Variants in CLUL1 observed in about 807,000 individuals in gnomAD.
CLUL1 encodes the protein clusterin-like protein 1.
Under a neutral mutation model 49.4 loss-of-function variants are expected in CLUL1, and 43 were observed. The observed-to-expected ratio is 0.87, with a 90% CI of 0.68 to 1.12. The LOEUF (loss-of-function observed/expected upper bound fraction) is 1.12. Among genes scored for constraint, CLUL1 ranks in the 50% most tolerant of loss-of-function variants. The pLI is 0.00. For missense variants in CLUL1, 486 were observed against 544.4 expected (o/e 0.89, Z 1.07); for synonymous variants, 192 against 184.9 (o/e 1.04, Z -0.31).
chr18:643,265 CGTGT>C (rs1255096855), intron 8 of CLUL1, among the ~76,000 whole-genome samples: 2 of 151,988 alleles, frequency 1.3e-5, no homozygotes, highest in East Asian at 1.9e-4. Flanking sequence ...TGTAGACATA[CGTGT>C]GTGTTTTGAA....
intron 4 of CLUL1, among the ~76,000 whole-genome samples, chr18:622,612 C>T (rs2073525239): frequency 1.3e-5 from 2 of 152,206 alleles, no homozygotes; most frequent in South Asian, 2.1e-4. Flanking sequence ...CTACTTCTTC[C>T]ATGGCAATGT....
chr18:612,486 T>A (rs944850782), intron 2 of CLUL1, among the ~76,000 whole-genome samples: 20 of 152,226 alleles, frequency 1.3e-4, no homozygotes, highest in African/African-American at 4.8e-4. Flanking sequence ...GTACTCGGTT[T>A]GGATCTATTG....
At chr18:645,809 AAATATATATATATAT>A (rs1365443645) in intron 9 of CLUL1, among the ~76,000 whole-genome samples, 3 of 70,476 alleles carry the variant, frequency 4.3e-5, no homozygotes, top group Non-Finnish European at 7.9e-5. Flanking sequence ...AAAAAAAAAA[AAATATATATATATAT>A]ATATATATAT....
chr18:614,177 A>G (rs983171070), intron 2 of CLUL1, among the ~76,000 whole-genome samples: 2 of 152,196 alleles, frequency 1.3e-5, no homozygotes, highest in Non-Finnish European at 2.9e-5. Context: ...CTTTGCCTGC[A>G]AAGGAGGAAA....
rs2073397858 is a variant in CLUL1, at chr18:619,049, G to GT, written c.107-164_107-163insT. On this transcript the variant is annotated intron_variant, in intron 3 of 9. Coordinates refer to ENST00000692774, the MANE Select transcript of CLUL1 (RefSeq NM_001393344.1). ...AGAAGGTATGGTCCGTGTGGCAGCT[G>GT]GGTCCATGTGGCAGCTGACAGCTAA... Among the ~76,000 whole-genome samples, 3 of 152,242 alleles carry GT rather than the reference G, an allele frequency of 2.0e-5. No individual in the cohort carries two copies. In the South Asian group the frequency reaches 6.2e-4, roughly 32 times the overall value.
At chr18:633,809 AGGGCGG>A (rs1396043663) in intron 7 of CLUL1, among the ~76,000 whole-genome samples, 1 of 29,644 alleles carries the variant, frequency 3.4e-5, no homozygotes, top group Non-Finnish European at 9.7e-5. Context: ...GGAATGAATC[AGGGCGG>A]AGCGTGTAAT....
chr18:625,169 C>A, intron 5 of CLUL1, 137 bp downstream of exon 5: 1 of 817,404 alleles, frequency 1.2e-6, no homozygotes, highest in Non-Finnish European at 1.9e-6. Flanking sequence ...GAATCTAATA[C>A]TAATGTTTAC....
At chr18:617,783 A>G (rs899285550) in intron 2 of CLUL1, among the ~76,000 whole-genome samples, 8 of 152,216 alleles carry the variant, frequency 5.3e-5, no homozygotes, top group South Asian at 2.1e-4. Flanking sequence ...TGAAGAGTTT[A>G]AACCAAATAG....
intron 2 of CLUL1, among the ~76,000 whole-genome samples, chr18:616,269 C>G (rs2073287622): frequency 6.6e-6 from 1 of 152,156 alleles, no homozygotes; most frequent in Non-Finnish European, 1.5e-5. Flanking sequence ...TATATCGCTT[C>G]ATATACTAAC....
Position 618,030 on chromosome 18 carries a change from G to GT in CLUL1, c.31dup (p.Cys11LeufsTer22). ...AGCCGCCACTCTTGGTGTTTATTGT[G>GT]TGTCTGCTGTGGTTGAAAGACAGTC... On this transcript the variant is annotated frameshift_variant, in exon 3 of 10. Transcript: ENST00000692774. LOFTEE classifies it high-confidence loss of function. The surrounding 1 kb of genome is among the most constrained non-coding windows in gnomAD (Gnocchi z 4.2). The GT allele has an allele frequency of 1.9e-6, 3 of 1,614,146 alleles. No individual in the cohort carries two copies. The highest frequency in any genetic ancestry group is 2.5e-6 in the Non-Finnish European group (3 of 1,180,028).
chr18:608,879 A>T (rs544330338), intron 2 of CLUL1, among the ~76,000 whole-genome samples: 1 of 152,316 alleles, frequency 6.6e-6, no homozygotes, highest in African/African-American at 2.4e-5. Flanking sequence ...CATATAATTT[A>T]CTTGACCATT....
intron 2 of CLUL1, 38 bp from the exon 3 acceptor site, chr18:617,950 T>C (rs759953054): frequency 1.6e-5 from 25 of 1,557,686 alleles, no homozygotes; most frequent in Non-Finnish European, 2.2e-5. Flanking sequence ...ACTAACCAAA[T>C]GGAAGACATT....
intron 8 of CLUL1, among the ~76,000 whole-genome samples, chr18:641,840 A>G (rs2074353358): frequency 6.6e-6 from 1 of 152,212 alleles, no homozygotes; most frequent in Non-Finnish European, 1.5e-5. Flanking sequence ...AATATGGCCA[A>G]TGTAGGTTTT....
rs1423056929 is a variant in CLUL1, at chr18:599,031, G to T, written c.-136+1902G>T. Among the ~76,000 whole-genome samples the T allele has an allele frequency of 2.0e-5, 3 of 152,098 alleles. No individual in the cohort carries two copies. In the South Asian group the frequency reaches 6.2e-4, roughly 31 times the overall value. On this transcript the variant is annotated intron_variant, in intron 1 of 9. Coordinates refer to ENST00000692774, the MANE Select transcript of CLUL1 (RefSeq NM_001393344.1). ...TATTAGCTAGTACCATTCAACAAGCGCTAAAGATACAAATACCTCTACAAT... is the reference window on the plus strand; with the variant it reads ...TATTAGCTAGTACCATTCAACAAGCTCTAAAGATACAAATACCTCTACAAT...
chr18:619,959 C>T (rs1166015098), intron 4 of CLUL1, among the ~76,000 whole-genome samples: 3 of 152,260 alleles, frequency 2.0e-5, no homozygotes, highest in Admixed American at 2.0e-4. Flanking sequence ...ATCCACCTGC[C>T]TCAGCCTCCC....
At chr18:643,524 T>C (rs912126382) in intron 8 of CLUL1, among the ~76,000 whole-genome samples, 2 of 152,224 alleles carry the variant, frequency 1.3e-5, no homozygotes, top group Admixed American at 1.3e-4. Flanking sequence ...TTTAGAAATC[T>C]ACAGTCAATA....
chr18:622,283 A>G (rs773093174), intron 4 of CLUL1, among the ~76,000 whole-genome samples: 2 of 152,102 alleles, frequency 1.3e-5, no homozygotes, highest in African/African-American at 4.8e-5. Context: ...AGGAAACCCT[A>G]GAGAAGGTTA....
chr18:647,911 G>A (rs1267380823), intron 9 of CLUL1, among the ~76,000 whole-genome samples: 2 of 152,114 alleles, frequency 1.3e-5, no homozygotes, highest in African/African-American at 2.4e-5. Flanking sequence ...AGTCCATGAG[G>A]GTACCACCGT....
In CLUL1 at chr18:606,885, A is replaced by G. The variant is rs2143939337; in HGVS notation, c.-135-93A>G. The stretch of plus-strand genomic sequence containing the variant: ...CACAAGGCAAGGCCAGTTCACCCTC[A>G]GTGCTCACTACTTTGCAGTGTTCAT... On this transcript the variant is annotated intron_variant, in intron 1 of 9. Transcript: ENST00000692774. The surrounding 1 kb of genome is among the most constrained non-coding windows in gnomAD (Gnocchi z 4.1). The G allele has an allele frequency of 1.9e-6, 1 of 534,124 alleles. No homozygotes were observed. The highest frequency in any genetic ancestry group is 2.8e-5 in the South Asian group (1 of 35,094). The allele number at this position is 534,124 out of a possible 1,614,324, so 33.1% of individuals were successfully genotyped here.
Sources: gnomAD v4.1 joint callset for allele counts (sites outside exome capture counted in the v4.1 genomes callset) on GRCh38, gnomAD v4.1.1 for gene constraint, Gnocchi (gnomAD v3.1) non-coding constraint, MANE v1.5 for transcripts, NCBI Gene and HGNC (gene_info 2026-07-23, HGNC 2026-07-21) for gene names.